Variants in COLEC11 observed in about 807,000 individuals in gnomAD.
The protein encoded by COLEC11 is collectin subfamily member 11.
COLEC11 carries 20 observed loss-of-function variants against 27.3 expected under a neutral mutation model. The observed-to-expected ratio is 0.73, with a 90% CI of 0.51 to 1.06. COLEC11 has a LOEUF of 1.06. Among genes scored for constraint, COLEC11 ranks in the 50% least tolerant of loss-of-function variants. COLEC11 has a pLI of 0.00. For synonymous variants in COLEC11, 163 were observed against 154.7 expected, an observed-to-expected ratio of 1.05 and a Z score of -0.40; for missense variants, 310 against 383.0, an observed-to-expected ratio of 0.81 and a Z score of 1.59.
At chr2:3,623,870 C>G (rs1272115037) in intron 3 of COLEC11, among the ~76,000 whole-genome samples, 2 of 152,086 alleles carry the variant, frequency 1.3e-5, no homozygotes, top group East Asian at 3.8e-4. Context: ...GTCATGTTTC[C>G]TTGATACTTT....
At chr2:3,610,562 G>A (rs1027664395) in intron 2 of COLEC11, among the ~76,000 whole-genome samples, 3 of 152,150 alleles carry the variant, frequency 2.0e-5, no homozygotes, top group African/African-American at 7.2e-5. Context: ...ACCGTGGCAT[G>A]GGTGGTCAGG....
chr2:3,617,095 T>C (rs1029149836), intron 3 of COLEC11, among the ~76,000 whole-genome samples: 2 of 152,182 alleles, frequency 1.3e-5, no homozygotes, highest in African/African-American at 4.8e-5. Context: ...AGTAGTGACA[T>C]TGTTGGATCA....
chr2:3,637,075 C>T (rs1438671318), intron 3 of COLEC11, among the ~76,000 whole-genome samples: 3 of 152,178 alleles, frequency 2.0e-5, no homozygotes, highest in Non-Finnish European at 2.9e-5. Context: ...GCTTTTCCAC[C>T]TGCCACCCAC....
At chr2:3,627,538 TGCTGGGCATGACACTGGGCATGATGAC>T (rs1444206399) in intron 3 of COLEC11, among the ~76,000 whole-genome samples, 3 of 149,714 alleles carry the variant, frequency 2.0e-5, no homozygotes, top group Non-Finnish European at 3.0e-5. Context: ...GGCATGATGA[TGCTGGGCATGACACTGGGCATGATGAC>T]GGTCTGCATC....
intron 3 of COLEC11, chr2:3,625,995 T>C: frequency 6.2e-7 from 1 of 1,603,078 alleles, no homozygotes; most frequent in Non-Finnish European, 8.5e-7. Flanking sequence ...AGTCATAACA[T>C]TGTATTTACT....
At chr2:3,607,912 G>C (rs1166927043) in intron 2 of COLEC11, among the ~76,000 whole-genome samples, 1 of 152,206 alleles carries the variant, frequency 6.6e-6, no homozygotes, top group East Asian at 1.9e-4. Context: ...GGCAGGCTGA[G>C]GTCCTGGCTT....
chr2:3,637,461 G>T, intron 3 of COLEC11, 72 bp from the exon 4 acceptor site: 1 of 1,169,076 alleles, frequency 8.6e-7, no homozygotes, highest in Non-Finnish European at 1.3e-6. Flanking sequence ...GGTTATCCGT[G>T]CACGTGTGTG....
At chr2:3,632,700 A>G (rs373461514) in intron 3 of COLEC11, among the ~76,000 whole-genome samples, 26 of 152,298 alleles carry the variant, frequency 1.7e-4, no homozygotes, top group African/African-American at 5.8e-4. Context: ...TGAAGCTGAA[A>G]TCAGCGTGTA....
rs185655118 is a variant in COLEC11 at position 3,620,713 on chromosome 2, G to A, written c.202+7331G>A. 3.9e-5 allele frequency among the ~76,000 whole-genome samples: 6 copies of A among 151,964 alleles called. No individual in the cohort carries two copies. In the East Asian group the frequency reaches 1.2e-3, roughly 29 times the overall value. On this transcript the variant is annotated intron_variant, in intron 3 of 6. Transcript: ENST00000349077. Reference sequence around the variant, plus strand: ...AAATTTCCTCTTAGAATATCTTTTTGCTGTAGCCCATAAGTTTTTGTATGT... The same window carrying A: ...AAATTTCCTCTTAGAATATCTTTTTACTGTAGCCCATAAGTTTTTGTATGT...
chr2:3,625,819 G>A (rs112640899), intron 3 of COLEC11, among the ~76,000 whole-genome samples: 2 of 152,106 alleles, frequency 1.3e-5, no homozygotes, highest in African/African-American at 4.8e-5. Flanking sequence ...TTTTAGTGGA[G>A]ACGGGGTTTC....
At chr2:3,641,887 G>A (rs563718900) in intron 5 of COLEC11, among the ~76,000 whole-genome samples, 18 of 152,314 alleles carry the variant, frequency 1.2e-4, no homozygotes, top group African/African-American at 2.4e-4. Flanking sequence ...CCCGCACACC[G>A]CAGCGATGGG....
chr2:3,619,789 C>G (rs560640765), intron 3 of COLEC11, among the ~76,000 whole-genome samples: 1 of 152,230 alleles, frequency 6.6e-6, no homozygotes, highest in Admixed American at 6.5e-5. Context: ...CCACGCTCAG[C>G]AAATTTTTGT....
chr2:3,626,093 G>A (rs1664534280), intron 3 of COLEC11: 2 of 1,612,718 alleles, frequency 1.2e-6, no homozygotes, highest in Non-Finnish European at 1.7e-6. Context: ...GGATCACAGG[G>A]TAATGGATCT....
chr2:3,637,870 T>C (rs972621067), intron 4 of COLEC11, among the ~76,000 whole-genome samples: 1 of 152,192 alleles, frequency 6.6e-6, no homozygotes, highest in African/African-American at 2.4e-5. Flanking sequence ...GCAGCTAGTG[T>C]GCTTGGGCAA....
At chr2:3,634,978 C>T (rs1268936211) in intron 3 of COLEC11, among the ~76,000 whole-genome samples, 1 of 151,906 alleles carries the variant, frequency 6.6e-6, no homozygotes, top group African/African-American at 2.4e-5. Flanking sequence ...CCCTTGGGTT[C>T]CTCCCCCAGC....
In COLEC11 at chr2:3,602,695, C is replaced by T. The variant is rs934287855; in HGVS notation, c.-26-1620C>T. Reference sequence around the variant, plus strand: ...AGACCCTCTGTCTCATACAGAGCAACCCCCAAAGCTGCTGGGCGCCGGCTC... The same window carrying T: ...AGACCCTCTGTCTCATACAGAGCAATCCCCAAAGCTGCTGGGCGCCGGCTC... On this transcript the variant is annotated intron_variant, in intron 1 of 6. Coordinates refer to ENST00000349077, the MANE Select transcript of COLEC11 (RefSeq NM_024027.5). The surrounding 1 kb of genome is among the most constrained non-coding windows in gnomAD (Gnocchi z 6.2). Among the ~76,000 whole-genome samples, 13 of 152,190 alleles carry T rather than the reference C, an allele frequency of 8.5e-5. No homozygotes were observed. The highest frequency in any genetic ancestry group is 2.7e-4 in the African/African-American group (11 of 41,440).
chr2:3,612,032 C>T (rs891468463), intron 2 of COLEC11, among the ~76,000 whole-genome samples: 4 of 146,038 alleles, frequency 2.7e-5, no homozygotes, highest in East Asian at 2.0e-4. Flanking sequence ...TGGAACAGCT[C>T]GTGCCCTCGG....
intron 1 of COLEC11, among the ~76,000 whole-genome samples, chr2:3,597,067 T>C (rs1428683778): frequency 6.6e-6 from 1 of 152,082 alleles, no homozygotes; most frequent in African/African-American, 2.4e-5. Flanking sequence ...GTGGAGCGAG[T>C]GAAGGCATGA....
At chr2:3,631,774 C>T (rs2147938885) in intron 3 of COLEC11, among the ~76,000 whole-genome samples, 1 of 151,760 alleles carries the variant, frequency 6.6e-6, no homozygotes, top group South Asian at 2.1e-4. Flanking sequence ...GCTCTGCCTG[C>T]TGCTTTGCAC....
Sources: allele counts gnomAD v4.1 joint callset (sites outside exome capture counted in the v4.1 genomes callset), GRCh38; gene constraint gnomAD v4.1.1; non-coding constraint Gnocchi (gnomAD v3.1); transcripts MANE v1.5; gene names NCBI Gene and HGNC (gene_info 2026-07-23, HGNC 2026-07-21).